DOCK1: variants seen among roughly 807,000 people sequenced by gnomAD.
DOCK1 encodes the protein dedicator of cytokinesis protein 1.
DOCK1 carries 138 observed loss-of-function variants against 262.7 expected under a neutral mutation model. The observed-to-expected ratio is 0.53, with a 90% CI of 0.46 to 0.61. The LOEUF (loss-of-function observed/expected upper bound fraction) is 0.61. Ranked by LOEUF, DOCK1 falls within the 20% of genes least tolerant of loss-of-function variation. The pLI is 0.00. For missense variants in DOCK1, 1,908 were observed against 2,370.7 expected (o/e 0.80, Z 4.05); for synonymous variants, 866 against 867.4 (o/e 1.00, Z 0.03).
chr10:127,109,593 G>T (rs1049026174), intron 24 of DOCK1, among the ~76,000 whole-genome samples: 1 of 152,118 alleles, frequency 6.6e-6, no homozygotes, highest in Non-Finnish European at 1.5e-5. Context: ...CTACACATTT[G>T]TGTTTTCTGG....
chr10:127,148,830 CTT>C (rs749062293), intron 27 of DOCK1, among the ~76,000 whole-genome samples: 3 of 152,180 alleles, frequency 2.0e-5, no homozygotes, highest in Non-Finnish European at 2.9e-5. Context: ...ACTGGAATCT[CTT>C]TTAATCTTCT....
intron 47 of DOCK1, among the ~76,000 whole-genome samples, chr10:127,428,820 T>C (rs2069026768): frequency 7.1e-6 from 1 of 141,550 alleles, no homozygotes; most frequent in Non-Finnish European, 1.5e-5. Flanking sequence ...GCCGTGTGGA[T>C]TGGGGTACCG....
chr10:127,289,328 A>G (rs2061269692), intron 29 of DOCK1, among the ~76,000 whole-genome samples: 1 of 152,136 alleles, frequency 6.6e-6, no homozygotes, highest in African/African-American at 2.4e-5. Context: ...ATTCCATTGC[A>G]TGCATATTCA....
intron 27 of DOCK1, among the ~76,000 whole-genome samples, chr10:127,156,556 CTTCTTCTTTTTT>C (rs1181913428): frequency 2.1e-5 from 2 of 94,806 alleles, no homozygotes; most frequent in Non-Finnish European, 4.3e-5. Context: ...TCTTCTTCTT[CTTCTTCTTTTTT>C]TTTTTTTTTT....
intron 27 of DOCK1, among the ~76,000 whole-genome samples, chr10:127,172,465 T>C (rs1446800272): frequency 6.6e-6 from 1 of 152,196 alleles, no homozygotes; most frequent in Admixed American, 6.5e-5. Flanking sequence ...GCTTGCATCT[T>C]ATCTGCCTGT....
chr10:127,159,200 T>C (rs777580218), intron 27 of DOCK1, among the ~76,000 whole-genome samples: 6 of 152,220 alleles, frequency 3.9e-5, no homozygotes, highest in Non-Finnish European at 7.3e-5. Flanking sequence ...TTTTGAGTCA[T>C]TTACATTTCT....
chr10:126,939,611 T>G (rs2034836856), intron 1 of DOCK1, among the ~76,000 whole-genome samples: 1 of 152,210 alleles, frequency 6.6e-6, no homozygotes, highest in South Asian at 2.1e-4. Context: ...TCCTCCTGCC[T>G]CGGCCTCCCA....
intron 12 of DOCK1, among the ~76,000 whole-genome samples, chr10:127,016,760 T>C (rs72834604): frequency 0.44 from 56,609 of 129,098 alleles, 10,961 homozygotes; most frequent in Middle Eastern, 0.53. Context: ...AACACAGATA[T>C]AAACACCACA....
At chr10:126,981,827 C>A in intron 3 of DOCK1, 91 bp from the exon 4 acceptor site, 1 of 1,324,788 alleles carries the variant, frequency 7.5e-7, no homozygotes, top group Non-Finnish European at 1.0e-6. Context: ...TCTAGCCACC[C>A]CTCACCCCAC....
At chr10:127,298,329 C>T (rs1180662522) in intron 29 of DOCK1, among the ~76,000 whole-genome samples, 3 of 152,108 alleles carry the variant, frequency 2.0e-5, no homozygotes, top group African/African-American at 7.2e-5. Flanking sequence ...AGTGAGTCCC[C>T]TATTTTGAAA....
chr10:127,080,018 C>G (rs568320473), intron 23 of DOCK1, among the ~76,000 whole-genome samples: 2 of 152,096 alleles, frequency 1.3e-5, no homozygotes, highest in African/African-American at 4.8e-5. Flanking sequence ...CATTTATATC[C>G]TCCTTATTCA....
intron 22 of DOCK1, among the ~76,000 whole-genome samples, 175 bp from the exon 23 acceptor site, chr10:127,061,493 A>T (rs1021809398): frequency 6.6e-6 from 1 of 152,236 alleles, no homozygotes. Context: ...GCCTTGGCTG[A>T]GTGGTCTGCA....
chr10:127,169,412 C>T (rs932095205), intron 27 of DOCK1, among the ~76,000 whole-genome samples: 1 of 152,178 alleles, frequency 6.6e-6, no homozygotes, highest in Non-Finnish European at 1.5e-5. Context: ...AATGATAGGC[C>T]GGTGTGCTTG....
At chr10:127,405,512 A>G (rs936689401) in intron 40 of DOCK1, among the ~76,000 whole-genome samples, 3 of 138,260 alleles carry the variant, frequency 2.2e-5, no homozygotes, top group East Asian at 2.2e-4. Context: ...CTCTGGCTTT[A>G]GGAAGCAGAA....
rs753391846 is a variant in DOCK1, at chr10:127,247,958, C to T, written c.2848-50C>T. 1.0e-5 allele frequency: 16 copies of T among 1,575,868 alleles called. No individual in the cohort carries two copies. In the Admixed American group the frequency reaches 1.4e-4, roughly 13 times the overall value. On this transcript the variant is annotated intron_variant, in intron 27 of 51. Transcript: ENST00000623213. ...AATCTGGGATGATTTCGGCTTTTCC[C>T]ATGAGTGTTGCTCTGTCTCATCTAA... is the stretch of plus-strand genomic sequence containing the variant.
intron 7 of DOCK1, among the ~76,000 whole-genome samples, chr10:126,997,309 A>G (rs1239639642): frequency 6.6e-6 from 1 of 152,160 alleles, no homozygotes; most frequent in East Asian, 1.9e-4. Context: ...GCCTTACTAT[A>G]AAGAAGTGCC....
intron 51 of DOCK1, among the ~76,000 whole-genome samples, chr10:127,448,425 CG>C (rs2070732932): frequency 6.6e-6 from 1 of 152,218 alleles, no homozygotes; most frequent in Admixed American, 6.5e-5. Context: ...AGATCCACCC[CG>C]TTCCTCTCCT....
At chr10:127,023,060 C>T in intron 13 of DOCK1, 140 bp from the exon 14 acceptor site, 1 of 1,048,480 alleles carries the variant, frequency 9.5e-7, no homozygotes. Flanking sequence ...AATGGTGAGA[C>T]TGTTTTGTAG....
At chr10:126,921,553 G>A (rs1050749644) in intron 1 of DOCK1, among the ~76,000 whole-genome samples, 5 of 152,174 alleles carry the variant, frequency 3.3e-5, no homozygotes, top group African/African-American at 1.2e-4. Context: ...GGGACTAGGG[G>A]AGGGCGTGAT....
Sources: allele counts gnomAD v4.1 joint callset (sites outside exome capture counted in the v4.1 genomes callset), GRCh38; gene constraint gnomAD v4.1.1; transcripts MANE v1.5; gene names NCBI Gene and HGNC (gene_info 2026-07-23, HGNC 2026-07-21).